The following RNF213 variants were observed in gnomAD, a reference collection of about 807,000 sequenced individuals.
RNF213 encodes E3 ubiquitin-protein ligase RNF213.
In RNF213, 341 loss-of-function variants were observed where a neutral mutation model predicts 514.4. The observed-to-expected ratio is 0.66, with a 90% CI of 0.61 to 0.73. RNF213 has a LOEUF of 0.73. Ranked by LOEUF, RNF213 falls within the 30% of genes least tolerant of loss-of-function variation. The pLI is 0.00. For synonymous variants in RNF213, 2,655 were observed against 2,658.2 expected (o/e 1.00, Z 0.04); for missense variants, 5,767 against 6,615.6 (o/e 0.87, Z 4.45).
Position 80,287,928 on chromosome 17 carries a change from C to A in RNF213, c.375C>A (p.Asn125Lys). ...CCTGTCACCTGACTTTGCTTTCAAA[C>A]CCGTGGCCTCAGGACACAGCCCTGC... ...ASPCHLTLLS[N>K]PWPQDTALPH... The change falls in exon 4 of 68, where the codon AAC becomes AAA. Residue 125 changes from asparagine to lysine, a missense_variant. Asn to Lys is a moderately conservative substitution (Grantham distance 94). Coordinates refer to ENST00000582970, the MANE Select transcript of RNF213 (RefSeq NM_001256071.3). The A allele has an allele frequency of 1.9e-6, 3 of 1,570,652 alleles. No homozygotes were observed. The highest frequency in any genetic ancestry group is 1.2e-5 in the South Asian group (1 of 86,550).
At chr17:80,384,281 T>C (rs2080141565) in intron 59 of RNF213, among the ~76,000 whole-genome samples, 1 of 152,142 alleles carries the variant, frequency 6.6e-6, no homozygotes, top group South Asian at 2.1e-4. Flanking sequence ...TGCTGGAGCA[T>C]GGGCAGATCA....
rs775149654 is a variant in RNF213, at chr17:80,347,839, G to T, written c.9504G>T (p.Arg3168=). ...YKHFPIPLIN[R]LEKHYLDINT... ...ACTTTCCCATCCCCCTCATTAACCG[G>T]CTGGAGAAGCACTATCTGGATATCA... The change falls in exon 29 of 68, where the codon CGG becomes CGT. Residue 3168 remains arginine, a synonymous_variant. Transcript: ENST00000582970. The surrounding 1 kb of genome is among the most constrained non-coding windows in gnomAD (Gnocchi z 7.2). 2 of 1,614,128 alleles carry T rather than the reference G, an allele frequency of 1.2e-6. No homozygotes were observed. Among genetic ancestry groups the T allele is most frequent in the South Asian group, 2.2e-5 (2 of 91,078 alleles).
intron 17 of RNF213, chr17:80,319,867 T>G: frequency 8.6e-7 from 1 of 1,157,848 alleles, no homozygotes; most frequent in Non-Finnish European, 1.1e-6. Flanking sequence ...ATTTCCTAAT[T>G]GGACACTTAA....
chr17:80,319,053 T>TCCTCCTGCCTCCTGCG lies in RNF213; in HGVS notation c.2902-137_2902-136insCCTCCTGCCTCCTGCG. On this transcript the variant is annotated intron_variant, in intron 16 of 67. Coordinates refer to ENST00000582970, the MANE Select transcript of RNF213 (RefSeq NM_001256071.3). ...GGGGGCAGGGAGGACATGCTTTGCGTGGGCCAGGAGAAGCTTAAAATTGGG... is the reference window on the plus strand; with the variant it reads ...GGGGGCAGGGAGGACATGCTTTGCGTCCTCCTGCCTCCTGCGGGGCCAGGAGAAGCTTAAAATTGGG... The TCCTCCTGCCTCCTGCG allele has an allele frequency of 1.9e-6, 3 of 1,586,088 alleles. No individual in the cohort carries two copies. The South Asian group carries it at 3.3e-5, about 18-fold the overall frequency.
In RNF213 at chr17:80,350,295, T is replaced by C; in HGVS notation, c.10089-6T>C. 1 of 1,567,736 alleles carries C rather than the reference T, an allele frequency of 6.4e-7. No homozygotes were observed. The highest frequency in any genetic ancestry group is 8.8e-7 in the Non-Finnish European group (1 of 1,137,712). ...ACTCACTTGAATAACTTCCCTTTTC[T>C]TTCAGAAACTGTTTAACGAATACAG... On this transcript the variant is annotated splice_polypyrimidine_tract_variant and splice_region_variant and intron_variant, in intron 30 of 67. Transcript: ENST00000582970.
chr17:80,320,109 T>C, intron 17 of RNF213: 2 of 683,732 alleles, frequency 2.9e-6, no homozygotes, highest in African/African-American at 1.9e-5. Flanking sequence ...TGTACAGTCA[T>C]CACCACAGTT....
At chr17:80,275,231 T>C (rs1001661412) in intron 3 of RNF213, among the ~76,000 whole-genome samples, 4 of 151,416 alleles carry the variant, frequency 2.6e-5, no homozygotes, top group East Asian at 3.9e-4. Flanking sequence ...GTCATTCCCT[T>C]GGAGAATAAT....
At position 80,352,862 on chromosome 17, in the gene RNF213, G is replaced by A. The variant is rs1177001052; in HGVS notation, c.10304-78G>A. ...CAGCAAGATAATGACAAGCCAGGGT[G>A]TGCAATGTCCCTGCTTAGGGCTGAG... On this transcript the variant is annotated intron_variant, in intron 32 of 67. Coordinates refer to ENST00000582970, the MANE Select transcript of RNF213 (RefSeq NM_001256071.3). 27 of 1,601,280 alleles carry A rather than the reference G, an allele frequency of 1.7e-5. No individual in the cohort carries two copies. The East Asian group carries it at 3.8e-4, about 22-fold the overall frequency.
intron 14 of RNF213, 129 bp downstream of exon 14, chr17:80,309,300 G>C: frequency 9.0e-7 from 1 of 1,108,934 alleles, no homozygotes; most frequent in Non-Finnish European, 1.3e-6. Context: ...TTCAGCAGTG[G>C]ACATTTCTTG....
rs371195005 is a variant in RNF213 at position 80,354,165 on chromosome 17, C to T, written c.10725C>T (p.His3575=). 597 of 1,613,368 alleles carry T rather than the reference C, an allele frequency of 3.7e-4. 3 individuals are homozygous for T. Among genetic ancestry groups the T allele is most frequent in the Middle Eastern group, 3.3e-3 (19 of 5,678 alleles). ...LGLLNEDDAC[H]ASFLRVSKMR... is the part of the protein sequence containing the mutation. ...TCTTGAATGAGGATGACGCGTGCCA[C>T]GGTATGAGCCTCCCCACCCCTCTTG... Residue 3575 remains histidine, a splice_region_variant and synonymous_variant, in exon 35 of 68, where the codon CAC becomes CAT. Coordinates refer to ENST00000582970, the MANE Select transcript of RNF213 (RefSeq NM_001256071.3).
chr17:80,374,333 G>A (rs947822931), intron 49 of RNF213, 125 bp from the exon 50 acceptor site: 1 of 1,281,944 alleles, frequency 7.8e-7, no homozygotes, highest in Non-Finnish European at 1.1e-6. Flanking sequence ...GGCCAGGTCA[G>A]GGAATCCCAG....
In RNF213 at chr17:80,337,649, C is replaced by A; in HGVS notation, c.4591C>A (p.Arg1531Ser). 1 of 1,537,272 alleles carries A rather than the reference C, an allele frequency of 6.5e-7. No homozygotes were observed. The highest frequency in any genetic ancestry group is 1.2e-5 in the South Asian group (1 of 84,062). ...TVNESHGSVERSSLTLATAIN... is the reference protein window; with the variant it reads ...TVNESHGSVESSSLTLATAIN... ...GAATGAGAGTCATGGGTCTGTGGAA[C>A]GCTCATCCCTGACCCTGGCCACGGC... The change falls in exon 24 of 68, where the codon CGC becomes AGC. Residue 1531 changes from arginine (R) to serine (S), a missense_variant. Transcript: ENST00000582970.
chr17:80,366,358 C>T (rs892349036), intron 42 of RNF213, among the ~76,000 whole-genome samples: 3 of 152,218 alleles, frequency 2.0e-5, no homozygotes, highest in Non-Finnish European at 4.4e-5. Context: ...TTCTTACATC[C>T]CCACCAGCCA....
intron 15 of RNF213, chr17:80,315,734 TGATGGTGGTGGTGGTGGAG>T (rs2045899264): frequency 1.1e-5 from 1 of 88,444 alleles, no homozygotes; most frequent in Non-Finnish European, 2.7e-5. Flanking sequence ...GTACTGGAGG[TGATGGTGGTGGTGGTGGAG>T]GTGACAGTGG....
rs565753556 is a variant in RNF213 at position 80,276,781 on chromosome 17, G to A, written c.261+3377G>A. Among the ~76,000 whole-genome samples, 14 of 152,252 alleles carry A rather than the reference G, an allele frequency of 9.2e-5. No individual in the cohort carries two copies. The Middle Eastern group carries it at 0.01, about 111-fold the overall frequency. ...CATAAAATTATCCTAGGCCGGGCGC[G>A]GTGGCTCACACCTGTCATCCCAGCA... On this transcript the variant is annotated intron_variant, in intron 3 of 67. Transcript: ENST00000582970.
At position 80,294,943 on chromosome 17, in the gene RNF213, G is replaced by C; in HGVS notation, c.1695G>C (p.Gln565His). ...AGCAGTTTTGCTTTGTCCTGCAACA[G>C]CCTATGATTTATGAAGGACAGGCAC... ...QFEQFCFVLQ[Q>H]PMIYEGQAQL... The change falls in exon 9 of 68, where the codon CAG (glutamine) becomes CAC (histidine). Residue 565 changes from glutamine to histidine, a missense_variant. This residue lies in a region of RNF213 where 592 missense variants were observed against 673.9 expected (regional missense o/e 0.88). Transcript: ENST00000582970. 6.2e-7 allele frequency: 1 copy of C among 1,614,188 alleles called. No homozygotes were observed. The highest frequency in any genetic ancestry group is 1.1e-5 in the South Asian group (1 of 91,084).
rs937417074 is a variant in RNF213, at chr17:80,325,102, A to C, written c.3097A>C (p.Ile1033Leu). Residue 1033 changes from isoleucine to leucine, a missense_variant, in exon 18 of 68, where the codon ATC becomes CTC. Coordinates refer to ENST00000582970, the MANE Select transcript of RNF213 (RefSeq NM_001256071.3). ...ATTTGGCATCGTCTTGTCTGCTGTG[A>C]TCACTAAGTCCTGGCCTAGGACCGC... ...RKFGIVLSAVITKSWPRTADN... is the reference protein window; with the variant it reads ...RKFGIVLSAVLTKSWPRTADN... 6.5e-7 allele frequency: 1 copy of C among 1,537,156 alleles called. No homozygotes were observed. The highest frequency in any genetic ancestry group is 1.2e-5 in the South Asian group (1 of 84,058).
intron 1 of RNF213, among the ~76,000 whole-genome samples, chr17:80,262,279 C>T (rs1462719018): frequency 6.6e-6 from 1 of 152,010 alleles, no homozygotes; most frequent in Non-Finnish European, 1.5e-5. Context: ...ATTTTAGTCT[C>T]TGGAATAAAA....
chr17:80,389,985 G>C, intron 66 of RNF213, 27 bp from the exon 67 acceptor site: 1 of 1,614,162 alleles, frequency 6.2e-7, no homozygotes, highest in Non-Finnish European at 8.5e-7. Context: ...AGGCTTTAAT[G>C]CTTCATTTGC....
Sources: allele counts gnomAD v4.1 joint callset (sites outside exome capture counted in the v4.1 genomes callset), GRCh38; gene constraint gnomAD v4.1.1; regional missense constraint gnomAD v4.1.1; non-coding constraint Gnocchi (gnomAD v3.1); transcripts MANE v1.5; gene names NCBI Gene and HGNC (gene_info 2026-07-23, HGNC 2026-07-21).